The following GRXCR1 variants were observed in gnomAD, a reference collection of about 807,000 sequenced individuals.
GRXCR1 encodes the protein glutaredoxin domain-containing cysteine-rich protein 1.
In GRXCR1, 27 loss-of-function variants were observed where a neutral mutation model predicts 27.3. The observed-to-expected ratio is 0.99, with a 90% confidence interval of 0.73 to 1.37. GRXCR1 has a LOEUF of 1.37. Ranked by LOEUF, GRXCR1 falls within the 40% of genes most tolerant of loss-of-function variation. The pLI is 0.00. For missense variants in GRXCR1, 379 were observed against 354.4 expected (o/e 1.07, Z -0.56); for synonymous variants, 122 against 131.1 (o/e 0.93, Z 0.47).
At chr4:42,998,607 G>T (rs917325562) in intron 2 of GRXCR1, among the ~76,000 whole-genome samples, 7 of 152,106 alleles carry the variant, frequency 4.6e-5, no homozygotes, top group Admixed American at 6.5e-5. Flanking sequence ...AAAAAATAAA[G>T]AAAACACAGC....
intron 1 of GRXCR1, among the ~76,000 whole-genome samples, chr4:42,911,183 G>A (rs2109744897): frequency 6.6e-6 from 1 of 152,242 alleles, no homozygotes; most frequent in Non-Finnish European, 1.5e-5. Context: ...AATACATTCT[G>A]ATATGCAATG....
chr4:42,954,728 G>A (rs891034774), intron 1 of GRXCR1, among the ~76,000 whole-genome samples: 1 of 152,112 alleles, frequency 6.6e-6, no homozygotes, highest in Non-Finnish European at 1.5e-5. Context: ...GTCCAAATGT[G>A]AGGAGGGGAA....
intron 1 of GRXCR1, among the ~76,000 whole-genome samples, chr4:42,914,613 C>A (rs1746843635): frequency 2.0e-5 from 3 of 152,110 alleles, no homozygotes; most frequent in African/African-American, 4.8e-5. Context: ...TGAGTTAAGA[C>A]TTTAGGGGAC....
At chr4:43,024,197 C>CTT (rs60704333) in intron 3 of GRXCR1, among the ~76,000 whole-genome samples, 5 of 94,262 alleles carry the variant, frequency 5.3e-5, no homozygotes, top group Admixed American at 1.3e-4. Flanking sequence ...ATTTTCTGTC[C>CTT]TTTTTTTTTT....
intron 3 of GRXCR1, among the ~76,000 whole-genome samples, chr4:43,025,856 G>A (rs1359115492): frequency 1.3e-5 from 2 of 151,776 alleles, no homozygotes; most frequent in South Asian, 2.1e-4. Flanking sequence ...GGCGCCTGTA[G>A]TCCCAGCTAC....
intron 1 of GRXCR1, among the ~76,000 whole-genome samples, chr4:42,909,836 G>T (rs73240013): frequency 0.16 from 24,316 of 152,082 alleles, 2,110 homozygotes; most frequent in South Asian, 0.25. Context: ...GTATTAGCCT[G>T]AGTCCCTCTC....
At chr4:42,944,156 G>A (rs1747690423) in intron 1 of GRXCR1, among the ~76,000 whole-genome samples, 1 of 152,042 alleles carries the variant, frequency 6.6e-6, no homozygotes, top group South Asian at 2.1e-4. Flanking sequence ...TGAGTCTGAT[G>A]ACTAGAGAAG....
chr4:42,952,559 T>C (rs1485657550), intron 1 of GRXCR1, among the ~76,000 whole-genome samples: 1 of 152,148 alleles, frequency 6.6e-6, no homozygotes, highest in Admixed American at 6.5e-5. Flanking sequence ...GTACTTCTTC[T>C]TCCCATAAGA....
At chr4:42,970,303 A>T (rs1438301375) in intron 2 of GRXCR1, among the ~76,000 whole-genome samples, 1 of 152,028 alleles carries the variant, frequency 6.6e-6, no homozygotes, top group Non-Finnish European at 1.5e-5. Context: ...TCATAGCTCC[A>T]CTGGGCAGTG....
chr4:42,955,417 A>G (rs2109771292), intron 1 of GRXCR1, among the ~76,000 whole-genome samples: 1 of 152,232 alleles, frequency 6.6e-6, no homozygotes, highest in South Asian at 2.1e-4. Context: ...GTAGTTTAGT[A>G]ACAACTTTAT....
At chr4:42,943,256 G>T (rs757517486) in intron 1 of GRXCR1, among the ~76,000 whole-genome samples, 1 of 152,048 alleles carries the variant, frequency 6.6e-6, no homozygotes, top group African/African-American at 2.4e-5. Context: ...TCAATAAATA[G>T]TTATTTTGTT....
intron 2 of GRXCR1, among the ~76,000 whole-genome samples, chr4:42,987,261 A>AT (rs1491549715): frequency 1.3e-3 from 130 of 97,176 alleles, no homozygotes; most frequent in African/African-American, 3.2e-3. Context: ...ATATATATAT[A>AT]ATATATATAT....
At chr4:42,973,034 A>G (rs764494331) in intron 2 of GRXCR1, among the ~76,000 whole-genome samples, 1 of 151,796 alleles carries the variant, frequency 6.6e-6, no homozygotes, top group African/African-American at 2.4e-5. Context: ...CTCCTTTACA[A>G]TTTCTCTTAG....
At chr4:42,911,067 A>G (rs1240536614) in intron 1 of GRXCR1, among the ~76,000 whole-genome samples, 1 of 152,066 alleles carries the variant, frequency 6.6e-6, no homozygotes, top group Non-Finnish European at 1.5e-5. Context: ...CAGCTTCCCC[A>G]CATGTCTGTG....
At chr4:42,985,971 G>A (rs1156768504) in intron 2 of GRXCR1, among the ~76,000 whole-genome samples, 1 of 152,040 alleles carries the variant, frequency 6.6e-6, no homozygotes, top group Non-Finnish European at 1.5e-5. Flanking sequence ...TCTAGTTATT[G>A]CCATGATGTT....
intron 1 of GRXCR1, among the ~76,000 whole-genome samples, chr4:42,951,459 A>T (rs1747881316): frequency 6.6e-6 from 1 of 152,198 alleles, no homozygotes; most frequent in Admixed American, 6.5e-5. Context: ...TTTGCACAGC[A>T]ACATTTTTGT....
At chr4:42,935,947 A>G (rs901495020) in intron 1 of GRXCR1, among the ~76,000 whole-genome samples, 1 of 151,916 alleles carries the variant, frequency 6.6e-6, no homozygotes, top group African/African-American at 2.4e-5. Flanking sequence ...GGGGGAATGT[A>G]ATATTTCATT....
At chr4:42,967,403 A>G (rs1748272362) in intron 2 of GRXCR1, among the ~76,000 whole-genome samples, 4 of 152,032 alleles carry the variant, frequency 2.6e-5, no homozygotes, top group African/African-American at 4.8e-5. Context: ...ATAAATCTAT[A>G]CTGTTCTATT....
At chr4:42,914,989 G>C (rs1746853032) in intron 1 of GRXCR1, among the ~76,000 whole-genome samples, 1 of 152,092 alleles carries the variant, frequency 6.6e-6, no homozygotes, top group Non-Finnish European at 1.5e-5. Flanking sequence ...CTGAGGCCTT[G>C]TAAGTTCCCC....
Sources: gnomAD v4.1 joint callset for allele counts (sites outside exome capture counted in the v4.1 genomes callset) on GRCh38, gnomAD v4.1.1 for gene constraint, MANE v1.5 for transcripts, NCBI Gene and HGNC (gene_info 2026-07-23, HGNC 2026-07-21) for gene names.